The following FRRS1 variants were observed in gnomAD, a reference collection of about 807,000 sequenced individuals.
FRRS1 encodes ferric chelate reductase 1.
FRRS1 carries 51 observed loss-of-function variants against 70.7 expected under a neutral mutation model. That is an observed-to-expected ratio of 0.72 (90% CI 0.58 to 0.91). The LOEUF is 0.91. Ranked by LOEUF, FRRS1 falls within the 40% of genes least tolerant of loss-of-function variation. The pLI is 0.00. For synonymous variants in FRRS1, 225 were observed against 238.7 expected (o/e 0.94, Z 0.53); for missense variants, 672 against 726.0 (o/e 0.93, Z 0.86).
intron 1 of FRRS1, among the ~76,000 whole-genome samples, chr1:99,751,576 A>G (rs1392190028): frequency 1.3e-5 from 2 of 152,150 alleles, no homozygotes; most frequent in African/African-American, 4.8e-5. Context: ...AAACCACACA[A>G]GCAAGAAGAG....
intron 1 of FRRS1, among the ~76,000 whole-genome samples, chr1:99,763,778 G>A (rs1328723092): frequency 2.7e-5 from 4 of 149,878 alleles, no homozygotes; most frequent in African/African-American, 9.8e-5. Flanking sequence ...TGAGGCAGAA[G>A]AATCGCTTGA....
Position 99,728,551 on chromosome 1 carries a change from A to G in FRRS1, c.948T>C (p.Asn316=). ...RRNITLPGVK[N]RFDLNTSYYI... ...AATAGCTTGTGTTTAGATCAAATCT[A>G]TTCTTAACTCCAGGAAGGGTAATGT... The change falls in exon 9 of 17, where the codon AAT becomes AAC. Residue 316 remains asparagine, a synonymous_variant. Coordinates refer to ENST00000646001, the MANE Select transcript of FRRS1 (RefSeq NM_001361041.2). 1 of 1,613,276 alleles carries G rather than the reference A, an allele frequency of 6.2e-7. No individual in the cohort carries two copies.
At chr1:99,740,418 C>G (rs774812801) in intron 6 of FRRS1, among the ~76,000 whole-genome samples, 1 of 152,168 alleles carries the variant, frequency 6.6e-6, no homozygotes, top group Non-Finnish European at 1.5e-5. Flanking sequence ...GCTACCACTA[C>G]CCAGCACAGC....
intron 9 of FRRS1, among the ~76,000 whole-genome samples, chr1:99,727,991 G>C (rs1484931864): frequency 6.6e-6 from 1 of 152,216 alleles, no homozygotes; most frequent in Admixed American, 6.5e-5. Context: ...CCCTCAGTGG[G>C]AGGTCTTACA....
intron 4 of FRRS1, among the ~76,000 whole-genome samples, chr1:99,744,647 G>A (rs1208168053): frequency 6.6e-6 from 1 of 152,236 alleles, no homozygotes; most frequent in East Asian, 1.9e-4. Context: ...TTAGCCGGGC[G>A]TGGTGGCACA....
Position 99,719,663 on chromosome 1 carries a change from A to G in FRRS1, c.1007-16T>C, listed in dbSNP as rs1456526494. The G allele has an allele frequency of 7.8e-7, 1 of 1,280,594 alleles. No individual in the cohort carries two copies. The highest frequency in any genetic ancestry group is 1.1e-6 in the Non-Finnish European group (1 of 877,862). The allele number at this position is 1,280,594 out of a possible 1,614,324, so 79.3% of individuals were successfully genotyped here. A position where few individuals can be genotyped will look rare whatever the true frequency, so the allele number is the denominator to read the frequency against. On this transcript the variant is annotated splice_polypyrimidine_tract_variant and intron_variant, in intron 9 of 16. Transcript: ENST00000646001. ...TAAATTCGACCTGCAAATTAAAAAC[A>G]AAATTAAACATGACAAAGAATAATT...
intron 9 of FRRS1, among the ~76,000 whole-genome samples, chr1:99,720,882 C>CACAG (rs1557687288): frequency 7.6e-6 from 1 of 131,630 alleles, no homozygotes; most frequent in Admixed American, 7.7e-5. Flanking sequence ...CACACACACA[C>CACAG]AGAAATCATT....
intron 10 of FRRS1, 104 bp downstream of exon 10, chr1:99,719,430 C>G: frequency 1.3e-5 from 7 of 543,824 alleles, no homozygotes; most frequent in South Asian, 2.2e-5. Context: ...AAAAAAAATG[C>G]TTTATAAAAA....
intron 4 of FRRS1, among the ~76,000 whole-genome samples, chr1:99,744,914 G>C (rs1435267430): frequency 7.0e-6 from 1 of 143,402 alleles, no homozygotes; most frequent in Non-Finnish European, 1.5e-5. Flanking sequence ...AGCTTGCAGT[G>C]AGTTGAGATC....
At chr1:99,759,368 TAGAA>T (rs1657009536) in intron 1 of FRRS1, among the ~76,000 whole-genome samples, 2 of 152,122 alleles carry the variant, frequency 1.3e-5, no homozygotes, top group Non-Finnish European at 2.9e-5. Flanking sequence ...TTACTGAAAA[TAGAA>T]AGAACCTATG....
chr1:99,760,797 CTG>C (rs1217031396), intron 1 of FRRS1, among the ~76,000 whole-genome samples: 1 of 151,856 alleles, frequency 6.6e-6, no homozygotes, highest in East Asian at 1.9e-4. Context: ...TTACAGGCAC[CTG>C]CCACCATGCC....
intron 4 of FRRS1, among the ~76,000 whole-genome samples, chr1:99,745,459 G>A (rs1656208572): frequency 6.6e-6 from 1 of 152,136 alleles, no homozygotes; most frequent in Non-Finnish European, 1.5e-5. Context: ...CGAGGCGGGA[G>A]GATCAGTTGA....
intron 15 of FRRS1, among the ~76,000 whole-genome samples, chr1:99,709,858 G>T (rs371773468): frequency 1.7e-4 from 26 of 152,198 alleles, no homozygotes; most frequent in African/African-American, 6.0e-4. Context: ...ATCCCAGCTA[G>T]ATGGGAATCT....
chr1:99,731,931 G>A (rs1231236283), intron 7 of FRRS1, among the ~76,000 whole-genome samples: 1 of 152,166 alleles, frequency 6.6e-6, no homozygotes, highest in Admixed American at 6.5e-5. Flanking sequence ...CACCCAAAGT[G>A]ATGAGACTAC....
chr1:99,726,991 A>G (rs1655110075), intron 9 of FRRS1, among the ~76,000 whole-genome samples: 1 of 152,214 alleles, frequency 6.6e-6, no homozygotes, highest in African/African-American at 2.4e-5. Flanking sequence ...CTGGGATTAT[A>G]GGCGTGAGCC....
rs761460660 is a variant in FRRS1 at position 99,728,540 on chromosome 1, A to G, written c.959T>C (p.Leu320Pro). Residue 320 changes from leucine to proline, a missense_variant, in exon 9 of 17, where the codon CTA (leucine) becomes CCA (proline). By Grantham distance (98) the Leu-to-Pro change is moderately conservative (BLOSUM62 -3). Coordinates refer to ENST00000646001, the MANE Select transcript of FRRS1 (RefSeq NM_001361041.2). ...TAGAAATATGTAATAGCTTGTGTTT[A>G]GATCAAATCTATTCTTAACTCCAGG... ...TLPGVKNRFD[L>P]NTSYYIFLAD... 10 of 1,612,846 alleles carry G rather than the reference A, an allele frequency of 6.2e-6. No homozygotes were observed. In the South Asian group the frequency reaches 8.8e-5, roughly 14 times the overall value.
At chr1:99,765,494 A>G in intron 1 of FRRS1, 1 of 152,422 alleles carries the variant, frequency 6.6e-6, no homozygotes, top group South Asian at 2.1e-4. Flanking sequence ...CCAGCTACTC[A>G]GGAGGCTGAG....
chr1:99,742,791 C>T (rs1001475492), intron 4 of FRRS1, among the ~76,000 whole-genome samples: 2 of 152,164 alleles, frequency 1.3e-5, no homozygotes, highest in African/African-American at 2.4e-5. Flanking sequence ...CAATTCCTTC[C>T]AGGCTGTGTG....
chr1:99,723,909 G>C (rs1241535872), intron 9 of FRRS1, among the ~76,000 whole-genome samples: 1 of 152,158 alleles, frequency 6.6e-6, no homozygotes, highest in Non-Finnish European at 1.5e-5. Flanking sequence ...CTAGAGAAGA[G>C]AGTGTCAAGA....
Sources: gnomAD v4.1 joint callset for allele counts (sites outside exome capture counted in the v4.1 genomes callset) on GRCh38, gnomAD v4.1.1 for gene constraint, MANE v1.5 for transcripts, NCBI Gene and HGNC (gene_info 2026-07-23, HGNC 2026-07-21) for gene names.